TTC27: variants seen among roughly 807,000 people sequenced by gnomAD.
The protein encoded by TTC27 is tetratricopeptide repeat domain 27.
In TTC27, 79 loss-of-function variants were observed where a neutral mutation model predicts 115.9. The ratio of observed to expected loss-of-function variants is 0.68; its 90% CI spans 0.57 to 0.82. The LOEUF (loss-of-function observed/expected upper bound fraction) is 0.82, where lower values mean the gene tolerates loss of function less well. Among genes scored for constraint, TTC27 ranks in the 40% least tolerant of loss-of-function variants. The probability of loss-of-function intolerance (pLI) is 0.00; values close to 1 mark genes in which losing one functional copy is unlikely to be tolerated. For missense variants in TTC27, 1,054 were observed against 993.1 expected (o/e 1.06, Z -0.82); for synonymous variants, 401 against 356.0 (o/e 1.13, Z -1.42).
At chr2:32,648,429 A>AC (rs920459630) in intron 4 of TTC27, among the ~76,000 whole-genome samples, 10 of 88,376 alleles carry the variant, frequency 1.1e-4, no homozygotes, top group Non-Finnish European at 1.4e-4. Flanking sequence ...TGCACCTGGC[A>AC]CCCCCCCTTT....
intron 10 of TTC27, among the ~76,000 whole-genome samples, chr2:32,731,158 A>C (rs6728918): frequency 0.12 from 18,426 of 150,908 alleles, 1,274 homozygotes; most frequent in Middle Eastern, 0.21. Flanking sequence ...GCATTGGTGC[A>C]ATCACGGCTC....
At chr2:32,663,438 C>T (rs879484977) in intron 5 of TTC27, among the ~76,000 whole-genome samples, 2 of 152,142 alleles carry the variant, frequency 1.3e-5, no homozygotes, top group Non-Finnish European at 2.9e-5. Flanking sequence ...TTCCACGACC[C>T]CTTGTGCTTC....
chr2:32,645,920 A>G (rs1381321255), intron 4 of TTC27, among the ~76,000 whole-genome samples: 1 of 151,634 alleles, frequency 6.6e-6, no homozygotes, highest in Non-Finnish European at 1.5e-5. Flanking sequence ...GATTTTCACC[A>G]TGTTGGTCAG....
At chr2:32,723,720 C>CCTTCCTTCCT (rs1668006213) in intron 10 of TTC27, among the ~76,000 whole-genome samples, 1 of 34,790 alleles carries the variant, frequency 2.9e-5, no homozygotes, top group Non-Finnish European at 6.4e-5. Context: ...CCCTCCCTCC[C>CCTTCCTTCCT]TCCCTCCCTC....
chr2:32,678,877 C>T lies in TTC27; in HGVS notation c.1074C>T (p.Asn358=), dbSNP rs377339043. The T allele has an allele frequency of 6.2e-7, 1 of 1,612,462 alleles. No individual in the cohort carries two copies. Among genetic ancestry groups the T allele is most frequent in the Non-Finnish European group, 8.5e-7 (1 of 1,178,988 alleles). Residue 358 remains asparagine (N), a synonymous_variant, in exon 9 of 20, where the codon AAC becomes AAT. Coordinates refer to ENST00000317907, the MANE Select transcript of TTC27 (RefSeq NM_017735.5). ...LGICTNFQKN[N]PVHTLTEVEL... The stretch of plus-strand genomic sequence containing the variant: ...AAAGCACTAATTTTCAAAAGAATAA[C>T]CCAGTGCACACATTAACTGAAGTGG...
chr2:32,715,712 G>T (rs1483254445), intron 10 of TTC27, among the ~76,000 whole-genome samples: 3 of 152,112 alleles, frequency 2.0e-5, no homozygotes, highest in Non-Finnish European at 4.4e-5. Context: ...TGGCACTCAT[G>T]ACCTATCTCA....
intron 10 of TTC27, among the ~76,000 whole-genome samples, chr2:32,726,636 C>T (rs1338851718): frequency 6.6e-6 from 1 of 152,234 alleles, no homozygotes; most frequent in Non-Finnish European, 1.5e-5. Context: ...TTCCTGTCTT[C>T]TTCTAAGCCC....
intron 10 of TTC27, among the ~76,000 whole-genome samples, chr2:32,705,661 C>CT (rs1667343745): frequency 1.3e-5 from 2 of 152,096 alleles, no homozygotes; most frequent in Non-Finnish European, 2.9e-5. Flanking sequence ...AGTATTCCTC[C>CT]TGTCTCAGCC....
intron 9 of TTC27, among the ~76,000 whole-genome samples, chr2:32,681,525 G>A (rs1017359172): frequency 2.0e-5 from 3 of 151,986 alleles, no homozygotes; most frequent in Non-Finnish European, 4.4e-5. Context: ...AAAGTTTGGC[G>A]ATTTTTTGAA....
At chr2:32,629,582 C>CT (rs1208815333) in intron 1 of TTC27, among the ~76,000 whole-genome samples, 1 of 149,522 alleles carries the variant, frequency 6.7e-6, no homozygotes, top group Admixed American at 6.7e-5. Context: ...CTAAAGGCGC[C>CT]TGCCACCACG....
chr2:32,718,702 G>A (rs1226917934), intron 10 of TTC27, among the ~76,000 whole-genome samples: 5 of 151,996 alleles, frequency 3.3e-5, no homozygotes, highest in Non-Finnish European at 7.4e-5. Context: ...TTGTCTTAGA[G>A]GCTTTTCCAC....
chr2:32,650,550 C>G (rs1665077962), intron 5 of TTC27, among the ~76,000 whole-genome samples: 1 of 151,648 alleles, frequency 6.6e-6, no homozygotes, highest in African/African-American at 2.4e-5. Context: ...TTTCTCTGTT[C>G]TTTAAGAAGC....
intron 15 of TTC27, among the ~76,000 whole-genome samples, chr2:32,785,053 T>G (rs1670302640): frequency 6.6e-6 from 1 of 152,374 alleles, no homozygotes; most frequent in African/African-American, 2.4e-5. Context: ...TCTTAACCTT[T>G]GTATATCTAA....
At chr2:32,706,077 C>CTTT (rs148953090) in intron 10 of TTC27, among the ~76,000 whole-genome samples, 2,495 of 52,834 alleles carry the variant, frequency 0.047, 71 homozygotes, top group Non-Finnish European at 0.058. Context: ...TTACCTTACT[C>CTTT]TTTTTTTTTT....
chr2:32,714,713 A>G (rs1667698869), intron 10 of TTC27, among the ~76,000 whole-genome samples: 1 of 152,162 alleles, frequency 6.6e-6, no homozygotes, highest in Non-Finnish European at 1.5e-5. Flanking sequence ...CATCAACGGT[A>G]TGTAAGTGTT....
At chr2:32,815,630 T>G (rs1252821669) in intron 18 of TTC27, among the ~76,000 whole-genome samples, 1 of 152,182 alleles carries the variant, frequency 6.6e-6, no homozygotes, top group East Asian at 1.9e-4. Flanking sequence ...TATATCTGTC[T>G]TTTTGCTTTA....
At chr2:32,684,215 A>G (rs1319599548) in intron 9 of TTC27, among the ~76,000 whole-genome samples, 3 of 152,040 alleles carry the variant, frequency 2.0e-5, no homozygotes, top group Admixed American at 1.3e-4. Flanking sequence ...GAGAATGATG[A>G]TTTCCAATTT....
At chr2:32,786,358 C>T (rs1166998930) in intron 15 of TTC27, among the ~76,000 whole-genome samples, 2 of 151,968 alleles carry the variant, frequency 1.3e-5, no homozygotes, top group Admixed American at 1.3e-4. Context: ...AGGCTGGTCT[C>T]GAACTCCTGA....
In TTC27 at chr2:32,702,928, T is replaced by C. The variant is rs1480538788; in HGVS notation, c.1233+8T>C. On this transcript the variant is annotated splice_region_variant and intron_variant, in intron 10 of 19. Coordinates refer to ENST00000317907, the MANE Select transcript of TTC27 (RefSeq NM_017735.5). ...GCAATGAGGCAGACACAGGTAAGAATTAATGTGGCAATTTGTGTGCTTCTT... is the reference window on the plus strand; with the variant it reads ...GCAATGAGGCAGACACAGGTAAGAACTAATGTGGCAATTTGTGTGCTTCTT... 1 of 1,600,564 alleles carries C rather than the reference T, an allele frequency of 6.2e-7. No homozygotes were observed. The highest frequency in any genetic ancestry group is 1.1e-5 in the South Asian group (1 of 90,618).
Sources: gnomAD v4.1 joint callset for allele counts (sites outside exome capture counted in the v4.1 genomes callset) on GRCh38, gnomAD v4.1.1 for gene constraint, MANE v1.5 for transcripts, NCBI Gene and HGNC (gene_info 2026-07-23, HGNC 2026-07-21) for gene names.